The following ADARB1 variants were observed in gnomAD, a reference collection of about 807,000 sequenced individuals.
ADARB1 encodes the protein double-stranded RNA-specific editase 1.
Under a neutral mutation model 52.4 loss-of-function variants are expected in ADARB1, and 10 were observed. That is an observed-to-expected ratio of 0.19 (90% CI 0.12 to 0.32). The LOEUF (loss-of-function observed/expected upper bound fraction) is 0.32. Among genes scored for constraint, ADARB1 ranks in the 10% least tolerant of loss-of-function variants. The pLI is 1.00. For synonymous variants in ADARB1, 349 were observed against 371.1 expected (o/e 0.94, Z 0.68); for missense variants, 643 against 922.3 (o/e 0.70, Z 3.92).
At chr21:45,081,460 TTTG>T (rs2086147994) in intron 1 of ADARB1, among the ~76,000 whole-genome samples, 1 of 152,226 alleles carries the variant, frequency 6.6e-6, no homozygotes, top group African/African-American at 2.4e-5. Flanking sequence ...ATTAGATGAT[TTTG>T]TTCAATTGTA....
At chr21:45,077,736 T>C (rs1307805690) in intron 1 of ADARB1, among the ~76,000 whole-genome samples, 1 of 152,156 alleles carries the variant, frequency 6.6e-6, no homozygotes, top group East Asian at 1.9e-4. Context: ...TAGGAATTTC[T>C]AAATCTGTAA....
chr21:45,116,098 G>C (rs1229188970), intron 1 of ADARB1, among the ~76,000 whole-genome samples: 1 of 152,212 alleles, frequency 6.6e-6, no homozygotes, highest in Non-Finnish European at 1.5e-5. Context: ...TGCTTTCGGG[G>C]ATGCTGATTA....
At position 45,146,190 on chromosome 21, in the gene ADARB1, G is replaced by A. The variant is rs531006934; in HGVS notation, c.-48+17617G>A. On this transcript the variant is annotated intron_variant, in intron 2 of 10. Transcript: ENST00000348831. ...ATGGCTGTTGTCACTGCCTGTGGTGGGGTTATGGTTTCGGACGCACCTGAT... is the reference window on the plus strand; with the variant it reads ...ATGGCTGTTGTCACTGCCTGTGGTGAGGTTATGGTTTCGGACGCACCTGAT... The A allele has an allele frequency of 5.3e-5, 8 of 151,864 alleles. No homozygotes were observed. The East Asian group carries it at 1.6e-3, about 30-fold the overall frequency. The allele number at this position is 151,864 out of a possible 1,614,324, so 9.4% of individuals were successfully genotyped here.
chr21:45,207,955 A>G (rs1020264757), intron 9 of ADARB1, among the ~76,000 whole-genome samples: 2 of 152,240 alleles, frequency 1.3e-5, no homozygotes, highest in African/African-American at 4.8e-5. Context: ...TTCAGCCTGA[A>G]CACTAGTTTT....
intron 1 of ADARB1, among the ~76,000 whole-genome samples, chr21:45,111,505 T>C (rs2087533051): frequency 6.6e-6 from 1 of 152,208 alleles, no homozygotes; most frequent in Admixed American, 6.5e-5. Context: ...GGGTGCACTC[T>C]TAGTGTTGGA....
chr21:45,191,874 ATATATATTTTTTTTTTTTTTT>A (rs1328682690), intron 8 of ADARB1, among the ~76,000 whole-genome samples: 26 of 22,006 alleles, frequency 1.2e-3, no homozygotes, highest in South Asian at 2.5e-3. Flanking sequence ...ATATATATAT[ATATATATTTTTTTTTTTTTTT>A]TTTTTTTTTT....
At position 45,176,289 on chromosome 21, in the gene ADARB1, G is replaced by A; in HGVS notation, c.588G>A (p.Gly196=). The A allele has an allele frequency of 6.2e-7, 1 of 1,614,160 alleles. No homozygotes were observed. Among genetic ancestry groups the A allele is most frequent in the South Asian group, 1.1e-5 (1 of 91,080 alleles). ...AEPPFYVGSN[G]DDSFSSSGDL... ...CTCCCTTTTACGTGGGCTCCAATGG[G>A]GATGACTCCTTCAGTTCCAGCGGGG... The change falls in exon 4 of 11, where the codon GGG becomes GGA. Residue 196 remains glycine (G), a synonymous_variant. Transcript: ENST00000348831. This position sits in a 1 kb window ranked among gnomAD's most constrained non-coding sequence, Gnocchi z 5.8.
intron 4 of ADARB1, among the ~76,000 whole-genome samples, chr21:45,177,902 C>T (rs1376445886): frequency 1.3e-5 from 2 of 152,088 alleles, no homozygotes; most frequent in African/African-American, 4.8e-5. Flanking sequence ...GAACCAAATA[C>T]TTGCTTCCCT....
intron 2 of ADARB1, among the ~76,000 whole-genome samples, chr21:45,149,501 T>G (rs1253063887): frequency 6.6e-6 from 1 of 152,260 alleles, no homozygotes; most frequent in Non-Finnish European, 1.5e-5. Flanking sequence ...CAATATGTTG[T>G]GTCTTCTTCT....
chr21:45,191,876 ATATATTTTTTTTTTTTTTTT>A (rs1490454755), intron 8 of ADARB1, among the ~76,000 whole-genome samples: 317 of 34,916 alleles, frequency 9.1e-3, no homozygotes, highest in South Asian at 0.028. Context: ...ATATATATAT[ATATATTTTTTTTTTTTTTTT>A]TTTTTTTTTT....
intron 9 of ADARB1, among the ~76,000 whole-genome samples, chr21:45,218,169 C>T (rs2092902378): frequency 6.6e-6 from 1 of 152,224 alleles, no homozygotes; most frequent in South Asian, 2.1e-4. Context: ...TCCTCACCGT[C>T]ATGAAATCTA....
chr21:45,126,762 A>G (rs1350501207), intron 1 of ADARB1, among the ~76,000 whole-genome samples: 2 of 152,116 alleles, frequency 1.3e-5, no homozygotes, highest in Admixed American at 1.3e-4. Flanking sequence ...ATGGGAGGCA[A>G]CCATTCTCAC....
chr21:45,197,781 A>G (rs549234384), intron 8 of ADARB1, among the ~76,000 whole-genome samples: 1 of 152,352 alleles, frequency 6.6e-6, no homozygotes, highest in East Asian at 1.9e-4. Context: ...AGAAATCTCA[A>G]AATAATTACG....
At chr21:45,151,809 C>T (rs900100268) in intron 2 of ADARB1, among the ~76,000 whole-genome samples, 20 of 152,160 alleles carry the variant, frequency 1.3e-4, no homozygotes, top group African/African-American at 4.3e-4. Flanking sequence ...TGTCCCTGCT[C>T]GCCCCAGGCT....
intron 2 of ADARB1, among the ~76,000 whole-genome samples, chr21:45,164,743 C>T (rs990049362): frequency 1.3e-5 from 2 of 152,128 alleles, no homozygotes; most frequent in African/African-American, 4.8e-5. Context: ...GGACATAACC[C>T]TGGCTGCTGC....
chr21:45,196,530 CT>C (rs987446259), intron 8 of ADARB1, among the ~76,000 whole-genome samples: 3 of 152,186 alleles, frequency 2.0e-5, no homozygotes, highest in African/African-American at 7.2e-5. Flanking sequence ...TCAAAAAGCA[CT>C]GTTTAAACAG....
chr21:45,108,442 T>C (rs2145739618), intron 1 of ADARB1, among the ~76,000 whole-genome samples: 1 of 152,326 alleles, frequency 6.6e-6, no homozygotes, highest in East Asian at 1.9e-4. Flanking sequence ...AGTTTATGAT[T>C]GTTAACTTCT....
At chr21:45,217,867 A>G (rs1010673599) in intron 9 of ADARB1, among the ~76,000 whole-genome samples, 2 of 152,168 alleles carry the variant, frequency 1.3e-5, no homozygotes, top group African/African-American at 4.8e-5. Context: ...TTTCTCCTTT[A>G]AGCACTTTAA....
At chr21:45,124,136 T>C (rs79843039) in intron 1 of ADARB1, among the ~76,000 whole-genome samples, 2,891 of 152,334 alleles carry the variant, frequency 0.019, 46 homozygotes, top group East Asian at 0.047. Flanking sequence ...TCATGTTTGA[T>C]CGCTTTAAAA....
Sources: allele counts gnomAD v4.1 joint callset (sites outside exome capture counted in the v4.1 genomes callset), GRCh38; gene constraint gnomAD v4.1.1; non-coding constraint Gnocchi (gnomAD v3.1); transcripts MANE v1.5; gene names NCBI Gene and HGNC (gene_info 2026-07-23, HGNC 2026-07-21).